Variants in IKZF3 observed in about 807,000 individuals in gnomAD.
IKZF3 encodes IKAROS family zinc finger 3.
IKZF3 carries 10 observed loss-of-function variants against 49.0 expected under a neutral mutation model. The ratio of observed to expected loss-of-function variants is 0.20; its 90% CI spans 0.13 to 0.35. The LOEUF is 0.35. Among genes scored for constraint, IKZF3 ranks in the 10% least tolerant of loss-of-function variants. The pLI, the probability that IKZF3 is intolerant of heterozygous loss-of-function variation, is 1.00. For missense variants in IKZF3, 498 were observed against 664.8 expected (o/e 0.75, Z 2.76); for synonymous variants, 209 against 228.2 (o/e 0.92, Z 0.76).
intron 1 of IKZF3, chr17:39,835,041 G>C: frequency 2.4e-6 from 1 of 410,508 alleles, no homozygotes; most frequent in Admixed American, 3.2e-5. Flanking sequence ...CACAGCCCTA[G>C]AGAAGCAGGC....
rs1449539355 is a variant in IKZF3, at chr17:39,829,295, G to A, written c.163+92C>T. ...ATCACTCCTAACTAAACCTACAATT[G>A]CAAGTTTTCCTTGGAGAGCTGATTT... On this transcript the variant is annotated intron_variant, in intron 3 of 7. Coordinates refer to ENST00000346872, the MANE Select transcript of IKZF3 (RefSeq NM_012481.5). The A allele has an allele frequency of 4.8e-6, 4 of 834,874 alleles. No homozygotes were observed. The East Asian group carries it at 7.4e-5, about 15-fold the overall frequency. The allele number at this position is 834,874 out of a possible 1,614,324, so 51.7% of individuals were successfully genotyped here. A position where few individuals can be genotyped will look rare whatever the true frequency, so the allele number is the denominator to read the frequency against.
At chr17:39,863,432 T>C (rs1813783430) in intron 1 of IKZF3, among the ~76,000 whole-genome samples, 1 of 152,094 alleles carries the variant, frequency 6.6e-6, no homozygotes, top group Non-Finnish European at 1.5e-5. Context: ...CGAGTTGAGA[T>C]GCATTTGCCA....
chr17:39,771,841 G>A lies in IKZF3; in HGVS notation c.827-5348C>T, dbSNP rs545113931. ...TGCAGCCTCAACCTCCTGGGCTCAA[G>A]TGATACTCCCACCTCAGCCCCCTAA... On this transcript the variant is annotated intron_variant, in intron 7 of 7. Coordinates refer to ENST00000346872, the MANE Select transcript of IKZF3 (RefSeq NM_012481.5). Among the ~76,000 whole-genome samples, 488 of 152,248 alleles carry A rather than the reference G, an allele frequency of 3.2e-3. 1 individual carries two copies. The highest frequency in any genetic ancestry group is 5.7e-3 in the Non-Finnish European group (386 of 68,018).
At chr17:39,839,665 C>A in intron 1 of IKZF3, 1 of 324,474 alleles carries the variant, frequency 3.1e-6, no homozygotes, top group South Asian at 2.8e-5. Context: ...CCCTCTTCAT[C>A]CCAGGCTCAA....
At chr17:39,825,960 G>T (rs954892430) in intron 3 of IKZF3, among the ~76,000 whole-genome samples, 3 of 152,170 alleles carry the variant, frequency 2.0e-5, no homozygotes, top group African/African-American at 7.2e-5. Flanking sequence ...AACTATGTGA[G>T]GAGCTGCTGG....
intron 5 of IKZF3, 58 bp downstream of exon 5, chr17:39,791,358 A>AC (rs1435870821): frequency 1.3e-6 from 2 of 1,568,122 alleles, no homozygotes; most frequent in Admixed American, 3.4e-5. Context: ...TCTAGTTTCC[A>AC]CACTGGGCTC....
At chr17:39,788,126 T>G (rs1396283693) in intron 6 of IKZF3, 132 bp downstream of exon 6, 3 of 604,500 alleles carry the variant, frequency 5.0e-6, no homozygotes, top group Non-Finnish European at 8.9e-6. Flanking sequence ...CAACTTACAG[T>G]TTGCTCATTT....
At position 39,763,123 on chromosome 17, in the gene IKZF3, T is replaced by TA. The variant is rs1467055274; in HGVS notation, c.*2666dup. 1 of 152,118 alleles carries TA rather than the reference T, an allele frequency of 6.6e-6. No homozygotes were observed. Among genetic ancestry groups the TA allele is most frequent in the African/African-American group, 2.4e-5 (1 of 41,412 alleles). 9.4% of individuals were successfully genotyped at this position (152,118 alleles called of 1,614,324 possible). A position where few individuals can be genotyped will look rare whatever the true frequency, so the allele number is the denominator to read the frequency against. The stretch of plus-strand genomic sequence containing the variant: ...AGCTTGGAGTCTAGTATTACGGAAA[T>TA]ACAGTGATATACTGAAGACTACACA... On this transcript the variant is annotated 3_prime_UTR_variant, in exon 8 of 8. Transcript: ENST00000346872.
chr17:39,815,375 A>G (rs566491813), intron 3 of IKZF3, among the ~76,000 whole-genome samples: 53 of 152,346 alleles, frequency 3.5e-4, no homozygotes, highest in African/African-American at 1.2e-3. Flanking sequence ...CTGGGATGAC[A>G]TTCCACCATC....
chr17:39,832,891 A>G lies in IKZF3; in HGVS notation c.8-740T>C, dbSNP rs142633932. Among the ~76,000 whole-genome samples the G allele has an allele frequency of 3.1e-3, 466 of 152,290 alleles. 7 individuals carry two copies. The highest frequency in any genetic ancestry group is 0.011 in the African/African-American group (448 of 41,572). ...AGAGGACTTGAATTGTTTCCAACAC[A>G]TAGAAATGATAAATACTCAAGGTGA... On this transcript the variant is annotated intron_variant, in intron 1 of 7. Coordinates refer to ENST00000346872, the MANE Select transcript of IKZF3 (RefSeq NM_012481.5).
intron 3 of IKZF3, among the ~76,000 whole-genome samples, chr17:39,827,724 T>C (rs111267624): frequency 6.6e-6 from 1 of 152,352 alleles, no homozygotes; most frequent in Non-Finnish European, 1.5e-5. Context: ...TTGCACCAAT[T>C]TGAATGGCTG....
At chr17:39,811,589 T>C (rs1200597332) in intron 3 of IKZF3, among the ~76,000 whole-genome samples, 4 of 152,204 alleles carry the variant, frequency 2.6e-5, no homozygotes, top group East Asian at 1.9e-4. Context: ...AATTATCCCA[T>C]GCAATCCTTG....
chr17:39,829,667 G>A (rs1244047165), intron 2 of IKZF3, among the ~76,000 whole-genome samples, 179 bp from the exon 3 acceptor site: 1 of 152,112 alleles, frequency 6.6e-6, no homozygotes, highest in Non-Finnish European at 1.5e-5. Flanking sequence ...TTAGAAATAA[G>A]CCCAGGGTTC....
chr17:39,783,233 T>A (rs1280328749), intron 6 of IKZF3, among the ~76,000 whole-genome samples: 4 of 152,232 alleles, frequency 2.6e-5, no homozygotes, highest in Non-Finnish European at 4.4e-5. Context: ...AACAAGAGAT[T>A]GGTATCAAAG....
intron 7 of IKZF3, 70 bp downstream of exon 7, chr17:39,777,581 A>C (rs901541681): frequency 9.4e-7 from 1 of 1,067,992 alleles, no homozygotes; most frequent in African/African-American, 1.6e-5. Flanking sequence ...GGCCTTGTGT[A>C]GCAAGCATCC....
In IKZF3 at chr17:39,760,883, G is replaced by C. The variant is rs1019070504; in HGVS notation, c.*4907C>G. On this transcript the variant is annotated 3_prime_UTR_variant, in exon 8 of 8. Coordinates refer to ENST00000346872, the MANE Select transcript of IKZF3 (RefSeq NM_012481.5). ...TCTGAGGTTGTGGCTGGGCGCAGTG[G>C]CTCTTGCCTGTAGTTCCAGCACTTT... The C allele has an allele frequency of 2.0e-5, 3 of 152,244 alleles. No homozygotes were observed. Among genetic ancestry groups the C allele is most frequent in the African/African-American group, 7.2e-5 (3 of 41,456 alleles). 9.4% of individuals were successfully genotyped at this position (152,244 alleles called of 1,614,324 possible). A position where few individuals can be genotyped will look rare whatever the true frequency, so the allele number is the denominator to read the frequency against.
At chr17:39,778,272 T>A in intron 6 of IKZF3, 1 of 768,352 alleles carries the variant, frequency 1.3e-6, no homozygotes, top group Non-Finnish European at 1.6e-6. Context: ...GTGATTTGTG[T>A]ATTGAAATTC....
intron 1 of IKZF3, among the ~76,000 whole-genome samples, chr17:39,850,947 T>A (rs1201962809): frequency 8.3e-6 from 1 of 120,258 alleles, no homozygotes; most frequent in Admixed American, 8.3e-5. Context: ...GTGTATATAT[T>A]ATATACACGT....
intron 3 of IKZF3, among the ~76,000 whole-genome samples, chr17:39,802,443 C>T (rs1307460298): frequency 4.6e-5 from 7 of 150,728 alleles, no homozygotes; most frequent in South Asian, 2.1e-4. Context: ...CCTGTCTCTA[C>T]AAAAAATCAA....
Sources: gnomAD v4.1 joint callset for allele counts (sites outside exome capture counted in the v4.1 genomes callset) on GRCh38, gnomAD v4.1.1 for gene constraint, MANE v1.5 for transcripts, NCBI Gene and HGNC (gene_info 2026-07-23, HGNC 2026-07-21) for gene names.